The following FZD3 variants were observed in gnomAD, a reference collection of about 807,000 sequenced individuals.
FZD3 encodes the protein frizzled class receptor 3.
FZD3 carries 30 observed loss-of-function variants against 60.7 expected under a neutral mutation model. The ratio of observed to expected loss-of-function variants is 0.49; its 90% CI spans 0.37 to 0.67. FZD3 has a LOEUF of 0.67. FZD3 is among the 30% of genes least tolerant of loss of function. The pLI is 0.00. For synonymous variants in FZD3, 246 were observed against 275.2 expected (o/e 0.89, Z 1.05); for missense variants, 605 against 838.7 (o/e 0.72, Z 3.44).
intron 3 of FZD3, among the ~76,000 whole-genome samples, chr8:28,511,806 G>A (rs1274833329): frequency 6.6e-6 from 1 of 152,090 alleles, no homozygotes; most frequent in Non-Finnish European, 1.5e-5. Context: ...AATTGTTCAC[G>A]TTTTTATTCC....
At chr8:28,561,880 A>G (rs1170261107) in intron 7 of FZD3, among the ~76,000 whole-genome samples, 1 of 152,198 alleles carries the variant, frequency 6.6e-6, no homozygotes, top group Non-Finnish European at 1.5e-5. Context: ...TCCATAAGCA[A>G]AGGCCTAATA....
intron 5 of FZD3, among the ~76,000 whole-genome samples, chr8:28,538,413 TTTAATCCTCACATTAGCCCAGTAAGTTA>T (rs1053609932): frequency 6.6e-6 from 1 of 152,192 alleles, no homozygotes; most frequent in Non-Finnish European, 1.5e-5. Context: ...CATCATCTCA[TTTAATCCTCACATTAGCCCAGTAAGTTA>T]TATTGTACTC....
At chr8:28,555,009 T>C (rs983012480) in intron 6 of FZD3, among the ~76,000 whole-genome samples, 3 of 152,188 alleles carry the variant, frequency 2.0e-5, no homozygotes, top group Non-Finnish European at 4.4e-5. Flanking sequence ...TTGTTCATCA[T>C]CGTAAACCAT....
chr8:28,542,522 C>A (rs993132266), intron 5 of FZD3, among the ~76,000 whole-genome samples: 2 of 152,142 alleles, frequency 1.3e-5, no homozygotes, highest in Admixed American at 6.6e-5. Flanking sequence ...CCTGTAATCC[C>A]AGCTACTCGG....
intron 5 of FZD3, among the ~76,000 whole-genome samples, chr8:28,550,451 G>C (rs996485221): frequency 2.1e-5 from 1 of 46,706 alleles, no homozygotes; most frequent in Non-Finnish European, 4.5e-5. Context: ...TTTTTTTTTT[G>C]TCTTACAAAT....
intron 5 of FZD3, among the ~76,000 whole-genome samples, chr8:28,546,066 A>G (rs759751678): frequency 2.0e-5 from 3 of 152,232 alleles, no homozygotes; most frequent in Non-Finnish European, 4.4e-5. Context: ...CTATACCATA[A>G]AGCCTAGGTG....
At position 28,551,707 on chromosome 8, in the gene FZD3, A is replaced by G. The variant is rs764027388; in HGVS notation, c.1509A>G (p.Thr503=). 6.2e-6 allele frequency: 10 copies of G among 1,612,232 alleles called. No homozygotes were observed. Among genetic ancestry groups the G allele is most frequent in the Admixed American group, 1.7e-5 (1 of 59,706 alleles). Residue 503 remains threonine, a synonymous_variant, in exon 6 of 8, where the codon ACA becomes ACG. Coordinates refer to ENST00000240093, the MANE Select transcript of FZD3 (RefSeq NM_017412.4). ...TATTTTGGGTTGGAAGCAAAAAGAC[A>G]TGCTTTGAATGGGCCAGTTTTTTTC... ...PSVFWVGSKK[T]CFEWASFFHG... is the part of the protein sequence containing the mutation.
chr8:28,502,723 T>G lies in FZD3; in HGVS notation c.-291T>G, dbSNP rs1804028782. The G allele has an allele frequency of 4.6e-6, 1 of 217,224 alleles. No individual in the cohort carries two copies. Among genetic ancestry groups the G allele is most frequent in the Admixed American group, 5.8e-5 (1 of 17,320 alleles). The allele number at this position is 217,224 out of a possible 1,614,324, so 13.5% of individuals were successfully genotyped here. ...TTCTCCTAAGATGGAATCTGTGGTT[T>G]GGGAATGTGGTTGATCAACTTGATA... On this transcript the variant is annotated 5_prime_UTR_variant, in exon 3 of 8. Transcript: ENST00000240093.
chr8:28,537,905 T>G (rs1478241664), intron 5 of FZD3, among the ~76,000 whole-genome samples: 1 of 151,740 alleles, frequency 6.6e-6, no homozygotes, highest in Non-Finnish European at 1.5e-5. Flanking sequence ...TCACCTGAGG[T>G]CAGGAGTTCA....
Position 28,571,383 on chromosome 8 carries a change from C to A in FZD3, c.*8372C>A, listed in dbSNP as rs922657893. On this transcript the variant is annotated 3_prime_UTR_variant, in exon 8 of 8. Coordinates refer to ENST00000240093, the MANE Select transcript of FZD3 (RefSeq NM_017412.4). ...CTGAGACAAGATCAACACAGTAGTT[C>A]TTTACATTGAGCTGAGGTGAATGTA... The A allele has an allele frequency of 1.3e-5, 2 of 152,130 alleles. No individual in the cohort carries two copies. The highest frequency in any genetic ancestry group is 4.8e-5 in the African/African-American group (2 of 41,424). The allele number at this position is 152,130 out of a possible 1,614,324, so 9.4% of individuals were successfully genotyped here.
chr8:28,498,450 A>C (rs1803903674), intron 1 of FZD3, among the ~76,000 whole-genome samples: 1 of 152,222 alleles, frequency 6.6e-6, no homozygotes, highest in African/African-American at 2.4e-5. Context: ...ACTTCAACTT[A>C]CAGCTTTTCC....
intron 3 of FZD3, among the ~76,000 whole-genome samples, chr8:28,516,806 T>C (rs1804440303): frequency 6.6e-6 from 1 of 152,114 alleles, no homozygotes; most frequent in Non-Finnish European, 1.5e-5. Flanking sequence ...TTATTGTTTG[T>C]TTTCCTCTCT....
At chr8:28,522,822 G>A (rs548834475) in intron 4 of FZD3, among the ~76,000 whole-genome samples, 1 of 139,396 alleles carries the variant, frequency 7.2e-6, no homozygotes, top group Non-Finnish European at 1.5e-5. Flanking sequence ...CCAGGCTGGA[G>A]TGCAGTGGCG....
At chr8:28,500,977 G>A (rs907946105) in intron 2 of FZD3, among the ~76,000 whole-genome samples, 60 of 152,220 alleles carry the variant, frequency 3.9e-4, no homozygotes, top group Middle Eastern at 3.4e-3. Context: ...GGCCAGGCTG[G>A]TCTTGAACTC....
At position 28,515,829 on chromosome 8, in the gene FZD3, A is replaced by G. The variant is rs374503683; in HGVS notation, c.190-4809A>G. ...TTATTTTAGAGAGGCTTGAACATCA[A>G]AGATTTTCTTCCGTTCTGTTGGTTG... On this transcript the variant is annotated intron_variant, in intron 3 of 7. Coordinates refer to ENST00000240093, the MANE Select transcript of FZD3 (RefSeq NM_017412.4). 8.1e-4 allele frequency among the ~76,000 whole-genome samples: 123 copies of G among 152,314 alleles called. 2 individuals are homozygous for G. In the South Asian group the frequency reaches 0.025, roughly 31 times the overall value.
At position 28,573,234 on chromosome 8, in the gene FZD3, TTAAC is replaced by T. The variant is rs1805836726; in HGVS notation, c.*10227_*10230del. 6.6e-6 allele frequency: 1 copy of T among 152,176 alleles called. No homozygotes were observed. Among genetic ancestry groups the T allele is most frequent in the Non-Finnish European group, 1.5e-5 (1 of 67,996 alleles). The allele number at this position is 152,176 out of a possible 1,614,324, so 9.4% of individuals were successfully genotyped here. On this transcript the variant is annotated 3_prime_UTR_variant, in exon 8 of 8. Coordinates refer to ENST00000240093, the MANE Select transcript of FZD3 (RefSeq NM_017412.4). Reference sequence around the variant, plus strand: ...CTATCTCAAGTGTTAGAAATTTGCTTTAACTAATTTATATTAAAGTGTTAGTGAC... The same window carrying T: ...CTATCTCAAGTGTTAGAAATTTGCTTTAATTTATATTAAAGTGTTAGTGAC...
In FZD3 at chr8:28,565,178, G is replaced by T. The variant is rs1173371790; in HGVS notation, c.*2167G>T. ...TTATGTTATATATTTCAAAGTACAT[G>T]TATGATAATATGACTTATTCTTCAT... On this transcript the variant is annotated 3_prime_UTR_variant, in exon 8 of 8. Transcript: ENST00000240093. The T allele has an allele frequency of 6.6e-6, 1 of 152,114 alleles. No individual in the cohort carries two copies. Among genetic ancestry groups the T allele is most frequent in the African/African-American group, 2.4e-5 (1 of 41,432 alleles). 9.4% of individuals were successfully genotyped at this position (152,114 alleles called of 1,614,324 possible).
At chr8:28,515,393 TA>T (rs1804397991) in intron 3 of FZD3, among the ~76,000 whole-genome samples, 2 of 152,148 alleles carry the variant, frequency 1.3e-5, no homozygotes, top group South Asian at 4.1e-4. Context: ...CGAAAGGAAG[TA>T]AAGTACACTT....
chr8:28,515,065 C>T (rs1804388375), intron 3 of FZD3, among the ~76,000 whole-genome samples: 1 of 152,140 alleles, frequency 6.6e-6, no homozygotes, highest in Non-Finnish European at 1.5e-5. Context: ...ACTTCGTTTT[C>T]TGTATCTCGT....
Sources: allele counts gnomAD v4.1 joint callset (sites outside exome capture counted in the v4.1 genomes callset), GRCh38; gene constraint gnomAD v4.1.1; transcripts MANE v1.5; gene names NCBI Gene and HGNC (gene_info 2026-07-23, HGNC 2026-07-21).